The following GAK variants were observed in gnomAD, a reference collection of about 807,000 sequenced individuals.
The protein encoded by GAK is cyclin G associated kinase, also known as cyclin-G-associated kinase.
GAK carries 79 observed loss-of-function variants against 143.9 expected under a neutral mutation model. That is an observed-to-expected ratio of 0.55 (90% confidence interval 0.46 to 0.66). GAK has a LOEUF of 0.66. Ranked by LOEUF, GAK falls within the 30% of genes least tolerant of loss-of-function variation. The pLI, the probability that GAK is intolerant of heterozygous loss-of-function variation, is 0.00. For synonymous variants in GAK, 881 were observed against 765.5 expected, an observed-to-expected ratio of 1.15 and a Z score of -2.49; for missense variants, 1,693 against 1,779.7, an observed-to-expected ratio of 0.95 and a Z score of 0.88.
intron 1 of GAK, among the ~76,000 whole-genome samples, chr4:928,270 C>T (rs1181274219): frequency 6.6e-6 from 1 of 152,234 alleles, no homozygotes; most frequent in East Asian, 1.9e-4. Context: ...GTTGGTCAGG[C>T]TGGTTTCGAA....
At chr4:898,269 C>T in intron 5 of GAK, 111 bp from the exon 6 acceptor site, 2 of 1,281,820 alleles carry the variant, frequency 1.6e-6, no homozygotes, top group Non-Finnish European at 2.2e-6. Flanking sequence ...ACAGCACTCG[C>T]CCAGGGCCAC....
chr4:895,667 G>T lies in GAK; in HGVS notation c.741+793C>A, dbSNP rs763079184. Reference sequence around the variant, plus strand: ...TGGCTGAATGACGGGGTAAGGGGACGTCAAAAGAACCACAAGGCAGGACAC... The same window carrying T: ...TGGCTGAATGACGGGGTAAGGGGACTTCAAAAGAACCACAAGGCAGGACAC... On this transcript the variant is annotated intron_variant, in intron 7 of 27. Transcript: ENST00000314167. Among the ~76,000 whole-genome samples the T allele has an allele frequency of 2.6e-4, 40 of 152,336 alleles. 1 individual carries two copies. Among genetic ancestry groups the T allele is most frequent in the Non-Finnish European group, 3.7e-4 (25 of 68,034 alleles).
Position 932,294 on chromosome 4 carries a change from T to C in GAK, c.-107A>G. On this transcript the variant is annotated 5_prime_UTR_variant, in exon 1 of 28. The change abolishes an upstream ATG in the 5' untranslated region. Coordinates refer to ENST00000314167, the MANE Select transcript of GAK (RefSeq NM_005255.4). The surrounding 1 kb of genome is among the most constrained non-coding windows in gnomAD (Gnocchi z 4.0). ...CAACCGCCGGCCCGGAGGTGCACCA[T>C]CTTCCGCCTCGACGCCGTGACGTAG... 1.4e-6 allele frequency: 2 copies of C among 1,385,628 alleles called. No individual in the cohort carries two copies. The highest frequency in any genetic ancestry group is 1.9e-6 in the Non-Finnish European group (2 of 1,077,798). 85.8% of individuals were successfully genotyped at this position (1,385,628 alleles called of 1,614,324 possible). A position where few individuals can be genotyped will look rare whatever the true frequency, so the allele number is the denominator to read the frequency against.
chr4:902,614 A>C (rs796312683), intron 5 of GAK, among the ~76,000 whole-genome samples: 4 of 148,294 alleles, frequency 2.7e-5, no homozygotes, highest in Admixed American at 1.3e-4. Flanking sequence ...AAAAAAAAAA[A>C]CCCCAAAAAA....
In GAK at chr4:911,765, T is replaced by C; in HGVS notation, c.290A>G (p.Asn97Ser). ...CFMKKLSGHP[N>S]IVQFCSAASI... ...CGCTGCAGAACAAAACTGGACAATG[T>C]TCGGGTGGCCGGAAAGCTTTTTCTG... is the stretch of plus-strand genomic sequence containing the variant. The change falls in exon 4 of 28, where the codon AAC becomes AGC. Residue 97 changes from asparagine (N) to serine (S), a missense_variant. By Grantham distance (46) the Asn-to-Ser change is conservative. This residue lies in a region of GAK where 871 missense variants were observed against 991.0 expected (regional missense o/e 0.88). Coordinates refer to ENST00000314167, the MANE Select transcript of GAK (RefSeq NM_005255.4). 1 of 1,613,988 alleles carries C rather than the reference T, an allele frequency of 6.2e-7. No individual in the cohort carries two copies.
intron 4 of GAK, among the ~76,000 whole-genome samples, chr4:907,954 T>C (rs1442827356): frequency 6.6e-6 from 1 of 152,038 alleles, no homozygotes; most frequent in Non-Finnish European, 1.5e-5. Context: ...CACCACCCCA[T>C]GCAGGGTCAG....
chr4:860,659 T>C (rs1473915920), intron 23 of GAK, among the ~76,000 whole-genome samples: 1 of 151,942 alleles, frequency 6.6e-6, no homozygotes, highest in Non-Finnish European at 1.5e-5. Flanking sequence ...TGAAGCGCAC[T>C]TGAGGGGACG....
chr4:883,990 C>T (rs751002851), intron 12 of GAK, 47 bp downstream of exon 12: 14 of 1,566,398 alleles, frequency 8.9e-6, no homozygotes, highest in South Asian at 5.6e-5. Flanking sequence ...ACTGGGCACA[C>T]AGGGAAGGGC....
chr4:887,376 TCAGGCA>T (rs573767983), intron 11 of GAK: 26 of 142,412 alleles, frequency 1.8e-4, no homozygotes, highest in African/African-American at 6.3e-4. Context: ...TGCACACAGC[TCAGGCA>T]CAGGCACTCG....
chr4:872,903 T>C (rs1712996739), intron 18 of GAK: 1 of 156,942 alleles, frequency 6.4e-6, no homozygotes, highest in African/African-American at 2.4e-5. Flanking sequence ...GTGCCATGGC[T>C]GCAACCCTGT....
chr4:857,995 G>A (rs1749593348), intron 24 of GAK, among the ~76,000 whole-genome samples: 1 of 152,146 alleles, frequency 6.6e-6, no homozygotes, highest in South Asian at 2.1e-4. Context: ...CTCCTCTCTG[G>A]CCCAGGTGTC....
chr4:851,693 T>C (rs1748167539), intron 25 of GAK, 57 bp downstream of exon 25: 2 of 1,538,076 alleles, frequency 1.3e-6, no homozygotes, highest in East Asian at 2.2e-5. Context: ...GTTCTACCTT[T>C]AGCCAATTCA....
chr4:869,994 G>GT (rs1175651730), intron 19 of GAK: 1 of 150,478 alleles, frequency 6.6e-6, no homozygotes, highest in African/African-American at 2.5e-5. Flanking sequence ...CCGATGCATG[G>GT]TACACACGAA....
intron 23 of GAK, among the ~76,000 whole-genome samples, chr4:861,076 C>T (rs973168245): frequency 3.3e-5 from 5 of 152,176 alleles, no homozygotes; most frequent in South Asian, 2.1e-4. Context: ...TAGAAGACGG[C>T]GAGCTTAACT....
chr4:868,888 G>A (rs183015318), intron 19 of GAK: 19 of 590,598 alleles, frequency 3.2e-5, no homozygotes, highest in East Asian at 1.7e-4. Flanking sequence ...TGGGCCATGC[G>A]TGCACACTTG....
At chr4:925,788 G>C (rs1292072423) in intron 1 of GAK, among the ~76,000 whole-genome samples, 2 of 152,212 alleles carry the variant, frequency 1.3e-5, no homozygotes, top group Non-Finnish European at 2.9e-5. Context: ...CCTTGCGCCT[G>C]GACTTCCAGC....
chr4:857,700 G>A (rs748603031), intron 24 of GAK, among the ~76,000 whole-genome samples: 4 of 152,180 alleles, frequency 2.6e-5, no homozygotes, highest in Non-Finnish European at 4.4e-5. Context: ...GCAGCCCCGG[G>A]AGAGGTCTGT....
At chr4:884,235 G>T (rs559634117) in intron 11 of GAK, 149 bp from the exon 12 acceptor site, 2 of 642,152 alleles carry the variant, frequency 3.1e-6, no homozygotes, top group Non-Finnish European at 5.5e-6. Context: ...GTGCACAGGC[G>T]TGTGGGCAGC....
chr4:911,037 C>T (rs1721961519), intron 4 of GAK, among the ~76,000 whole-genome samples: 1 of 152,020 alleles, frequency 6.6e-6, no homozygotes, highest in African/African-American at 2.4e-5. Flanking sequence ...TCACACAGAC[C>T]ACTCTGCCCC....
Sources: gnomAD v4.1 joint callset for allele counts (sites outside exome capture counted in the v4.1 genomes callset) on GRCh38, gnomAD v4.1.1 for gene constraint, gnomAD v4.1.1 regional missense constraint, Gnocchi (gnomAD v3.1) non-coding constraint, MANE v1.5 for transcripts, NCBI Gene and HGNC (gene_info 2026-07-23, HGNC 2026-07-21) for gene names.